Variants in ADCY3 observed in about 807,000 individuals in gnomAD.
ADCY3 encodes the protein adenylate cyclase type 3.
A neutral mutation model predicts 119.4 loss-of-function variants in ADCY3; 70 were observed. The ratio of observed to expected loss-of-function variants is 0.59; its 90% confidence interval spans 0.48 to 0.72. The LOEUF (loss-of-function observed/expected upper bound fraction) is 0.72, where lower values mean the gene tolerates loss of function less well. Ranked by LOEUF, ADCY3 falls within the 30% of genes least tolerant of loss-of-function variation. The probability of loss-of-function intolerance (pLI) is 0.00; values close to 1 mark genes in which losing one functional copy is unlikely to be tolerated. For missense variants in ADCY3, 1,238 were observed against 1,541.6 expected, an observed-to-expected ratio of 0.80 and a Z score of 3.30; for synonymous variants, 672 against 621.4, an observed-to-expected ratio of 1.08 and a Z score of -1.21.
intron 2 of ADCY3, among the ~76,000 whole-genome samples, chr2:24,880,578 G>A (rs1400906999): frequency 2.0e-5 from 3 of 152,250 alleles, no homozygotes; most frequent in African/African-American, 4.8e-5. Flanking sequence ...TATTTCAAAT[G>A]TAAGCATATC....
At position 24,831,436 on chromosome 2, in the gene ADCY3, C is replaced by T. The variant is rs555418194; in HGVS notation, c.2055+226G>A. ...CGCCACGGCCCAACAAGGCCCACCACGGCCCAGCCGTGGCCCACCACAGCC... is the reference window on the plus strand; with the variant it reads ...CGCCACGGCCCAACAAGGCCCACCATGGCCCAGCCGTGGCCCACCACAGCC... On this transcript the variant is annotated intron_variant, in intron 12 of 21. Coordinates refer to ENST00000679454, the MANE Select transcript of ADCY3 (RefSeq NM_004036.5). 2.0e-5 allele frequency among the ~76,000 whole-genome samples: 3 copies of T among 152,326 alleles called. No homozygotes were observed. In the South Asian group the frequency reaches 6.2e-4, roughly 32 times the overall value.
At chr2:24,839,221 C>T (rs1240805234) in intron 7 of ADCY3, among the ~76,000 whole-genome samples, 2 of 152,166 alleles carry the variant, frequency 1.3e-5, no homozygotes, top group Admixed American at 6.5e-5. Context: ...GGATTACAGG[C>T]GTGAGCCACA....
chr2:24,854,075 G>A (rs530023899), intron 3 of ADCY3, among the ~76,000 whole-genome samples: 78 of 152,290 alleles, frequency 5.1e-4, no homozygotes, highest in Non-Finnish European at 9.4e-4. Context: ...CACCTGTTCA[G>A]GCTGTGGTGT....
chr2:24,821,365 A>G (rs1240393736), intron 20 of ADCY3, 152 bp downstream of exon 20: 12 of 1,147,324 alleles, frequency 1.0e-5, no homozygotes, highest in African/African-American at 1.6e-5. Flanking sequence ...TCTGGACTAA[A>G]GGTCTTTCAG....
In ADCY3 at chr2:24,872,394, G is replaced by A. The variant is rs1010620705; in HGVS notation, c.825+176C>T. ...GTGAGAGGCTCCCTGAAGCTCAGAAGCTGCCCTCTAATAGTGAGGAGCCCA... is the reference window on the plus strand; with the variant it reads ...GTGAGAGGCTCCCTGAAGCTCAGAAACTGCCCTCTAATAGTGAGGAGCCCA... On this transcript the variant is annotated intron_variant, in intron 3 of 21. Transcript: ENST00000679454. This position sits in a 1 kb window ranked among gnomAD's most constrained non-coding sequence, Gnocchi z 4.4. 3.9e-5 allele frequency among the ~76,000 whole-genome samples: 6 copies of A among 152,202 alleles called. No individual in the cohort carries two copies. Among genetic ancestry groups the A allele is most frequent in the Non-Finnish European group, 8.8e-5 (6 of 68,038 alleles).
intron 3 of ADCY3, among the ~76,000 whole-genome samples, chr2:24,851,514 C>A (rs1274157285): frequency 1.3e-5 from 2 of 152,142 alleles, no homozygotes; most frequent in African/African-American, 4.8e-5. Context: ...GTTACACATC[C>A]CAAAGGGTTA....
intron 2 of ADCY3, among the ~76,000 whole-genome samples, chr2:24,902,888 G>A (rs1359880458): frequency 2.0e-5 from 3 of 152,180 alleles, no homozygotes; most frequent in South Asian, 4.2e-4. Flanking sequence ...AAAATTAGCC[G>A]AGTGTTGTGG....
rs1054577460 is a variant in ADCY3, at chr2:24,820,199, G to A, written c.3253-85C>T. On this transcript the variant is annotated intron_variant, in intron 21 of 21. Transcript: ENST00000679454. The stretch of plus-strand genomic sequence containing the variant: ...GTGGGGGCTTTGGGTGGTTGGAGCC[G>A]AGCACTGATCCATGGGTCCCAAGCA... 9.8e-5 allele frequency: 125 copies of A among 1,279,698 alleles called. No homozygotes were observed. In the African/African-American group the frequency reaches 1.4e-3, roughly 14 times the overall value. The allele number at this position is 1,279,698 out of a possible 1,614,324, so 79.3% of individuals were successfully genotyped here.
chr2:24,882,266 G>T (rs1676490084), intron 2 of ADCY3, among the ~76,000 whole-genome samples: 1 of 152,136 alleles, frequency 6.6e-6, no homozygotes, highest in African/African-American at 2.4e-5. Context: ...CCATTTCCAT[G>T]CAAGAATGGA....
In ADCY3 at chr2:24,820,075, AGCCGTAC is replaced by A; in HGVS notation, c.3285_3291del (p.Glu1095AspfsTer5). 6.3e-7 allele frequency: 1 copy of A among 1,579,970 alleles called. No individual in the cohort carries two copies. Among genetic ancestry groups the A allele is most frequent in the African/African-American group, 1.4e-5 (1 of 72,874 alleles). Reference sequence around the variant, plus strand: ...ATGGGGCCTCGCCTCACAAAGCGGAAGCCGTACTCTCGGAGGATGACTTGGGTTTCTT... The same window carrying A: ...ATGGGGCCTCGCCTCACAAAGCGGAATCTCGGAGGATGACTTGGGTTTCTT... On this transcript the variant is annotated frameshift_variant, in exon 22 of 22. Coordinates refer to ENST00000679454, the MANE Select transcript of ADCY3 (RefSeq NM_004036.5). LOFTEE classifies it high-confidence loss of function.
At chr2:24,858,442 C>A (rs1421608804) in intron 3 of ADCY3, among the ~76,000 whole-genome samples, 1 of 152,200 alleles carries the variant, frequency 6.6e-6, no homozygotes, top group African/African-American at 2.4e-5. Flanking sequence ...CTAACTGATT[C>A]TTCCTGTTAA....
At chr2:24,865,235 A>C (rs558102790) in intron 3 of ADCY3, among the ~76,000 whole-genome samples, 31 of 152,134 alleles carry the variant, frequency 2.0e-4, no homozygotes, top group Non-Finnish European at 4.0e-4. Flanking sequence ...ACTTTAGGTA[A>C]GGAGTTCAAG....
rs1295996548 is a variant in ADCY3 at position 24,835,011 on chromosome 2, G to A, written c.1663-75C>T. On this transcript the variant is annotated intron_variant, in intron 9 of 21. Transcript: ENST00000679454. The stretch of plus-strand genomic sequence containing the variant: ...GGGAAGAGCTGGGAAAGACAGAGGT[G>A]GAGGAGGAAAGGAACAAAAGAGGGC... 1.2e-5 allele frequency: 19 copies of A among 1,541,246 alleles called. No homozygotes were observed. The South Asian group carries it at 1.6e-4, about 13-fold the overall frequency.
At chr2:24,881,530 C>A (rs968099526) in intron 2 of ADCY3, among the ~76,000 whole-genome samples, 13 of 152,218 alleles carry the variant, frequency 8.5e-5, no homozygotes, top group African/African-American at 3.1e-4. Flanking sequence ...ACAGCCTTCC[C>A]TCAGTGCAGC....
intron 3 of ADCY3, among the ~76,000 whole-genome samples, chr2:24,855,646 A>T (rs1175879423): frequency 6.6e-6 from 1 of 152,248 alleles, no homozygotes; most frequent in Non-Finnish European, 1.5e-5. Flanking sequence ...AAAGAATCAA[A>T]GTCCAGAGAA....
At chr2:24,821,249 C>T (rs1053626077) in intron 20 of ADCY3, 12 of 477,782 alleles carry the variant, frequency 2.5e-5, no homozygotes, top group Non-Finnish European at 4.4e-5. Flanking sequence ...AAATGGATCA[C>T]AAACTCACTT....
intron 2 of ADCY3, among the ~76,000 whole-genome samples, chr2:24,896,390 A>G (rs1678282154): frequency 6.6e-6 from 1 of 152,154 alleles, no homozygotes; most frequent in African/African-American, 2.4e-5. Flanking sequence ...GTTACAAAAA[A>G]AAAAAAGTTA....
At chr2:24,862,303 T>C (rs952456955) in intron 3 of ADCY3, among the ~76,000 whole-genome samples, 2 of 152,014 alleles carry the variant, frequency 1.3e-5, no homozygotes, top group Admixed American at 6.5e-5. Flanking sequence ...TCCCAGCACT[T>C]TGGGAGGCTG....
chr2:24,896,953 T>G, intron 2 of ADCY3, among the ~76,000 whole-genome samples: 1 of 152,200 alleles, frequency 6.6e-6, no homozygotes, highest in East Asian at 1.9e-4. Flanking sequence ...AGTCTTCTTT[T>G]TCCAAGGAAT....
Sources: allele counts gnomAD v4.1 joint callset (sites outside exome capture counted in the v4.1 genomes callset), GRCh38; gene constraint gnomAD v4.1.1; non-coding constraint Gnocchi (gnomAD v3.1); transcripts MANE v1.5; gene names NCBI Gene and HGNC (gene_info 2026-07-23, HGNC 2026-07-21).